PRIM2: variants seen among roughly 807,000 people sequenced by gnomAD.
PRIM2 encodes DNA primase subunit 2, also known as DNA primase large subunit.
PRIM2 carries 39 observed loss-of-function variants against 67.3 expected under a neutral mutation model. That is an observed-to-expected ratio of 0.58 (90% CI 0.45 to 0.76). The LOEUF (loss-of-function observed/expected upper bound fraction) is 0.76. Among genes scored for constraint, PRIM2 ranks in the 30% least tolerant of loss-of-function variants. PRIM2 has a pLI of 0.00. For missense variants in PRIM2, 398 were observed against 598.7 expected (o/e 0.66, Z 3.50); for synonymous variants, 143 against 198.7 (o/e 0.72, Z 2.36).
At chr6:57,466,750 T>C (rs1773204893) in intron 7 of PRIM2, among the ~76,000 whole-genome samples, 1 of 152,360 alleles carries the variant, frequency 6.6e-6, no homozygotes, top group African/African-American at 2.4e-5. Flanking sequence ...GCAAACATTT[T>C]CTGTCATTCT....
intron 9 of PRIM2, among the ~76,000 whole-genome samples, chr6:57,535,896 AG>A (rs1774992266): frequency 6.6e-6 from 1 of 152,154 alleles, no homozygotes; most frequent in Non-Finnish European, 1.5e-5. Context: ...AAAAAAAGAA[AG>A]GTAGTTACCA....
chr6:57,342,763 A>G (rs1451145778), intron 5 of PRIM2, among the ~76,000 whole-genome samples: 1 of 152,210 alleles, frequency 6.6e-6, no homozygotes, highest in African/African-American at 2.4e-5. Flanking sequence ...ATTTATGTTC[A>G]GGGAAGTGAG....
At chr6:57,338,970 C>T (rs569796678) in intron 5 of PRIM2, among the ~76,000 whole-genome samples, 46 of 152,272 alleles carry the variant, frequency 3.0e-4, no homozygotes, top group African/African-American at 9.6e-4. Flanking sequence ...TGTCTCAGCC[C>T]AAAATCTTCT....
the PRIM2 span, among the ~76,000 whole-genome samples, chr6:57,294,903 G>A: frequency 0.058 from 8,777 of 151,272 alleles, 586 homozygotes; most frequent in African/African-American, 0.16. Flanking sequence ...TCCACCTCCC[G>A]GATTTCAAGC....
chr6:57,363,801 T>C (rs1769269439), intron 5 of PRIM2, among the ~76,000 whole-genome samples: 2 of 152,214 alleles, frequency 1.3e-5, no homozygotes, highest in South Asian at 2.1e-4. Context: ...TGGTGTCTTA[T>C]ATTAATTCTG....
chr6:57,430,307 A>G (rs1383495444), intron 7 of PRIM2, among the ~76,000 whole-genome samples: 5 of 152,168 alleles, frequency 3.3e-5, no homozygotes, highest in Non-Finnish European at 5.9e-5. Context: ...ACCCCTTTAC[A>G]TACTTGCTCA....
the PRIM2 span, among the ~76,000 whole-genome samples, chr6:57,309,581 T>G: frequency 2.0e-5 from 3 of 152,120 alleles, no homozygotes; most frequent in Admixed American, 6.5e-5. Context: ...GACATTTGGG[T>G]TGGTTCCAAG....
At chr6:57,240,133 CT>C in the PRIM2 span, among the ~76,000 whole-genome samples, 13 of 100,484 alleles carry the variant, frequency 1.3e-4, no homozygotes, top group Non-Finnish European at 2.0e-4. Context: ...GAGTTTTGCT[CT>C]TGTTGCCCAG....
At chr6:57,605,875 A>G (rs1776553200) in intron 11 of PRIM2, among the ~76,000 whole-genome samples, 1 of 152,150 alleles carries the variant, frequency 6.6e-6, no homozygotes, top group East Asian at 1.9e-4. Flanking sequence ...ACATTTTCAT[A>G]GATTCTACGC....
intron 5 of PRIM2, among the ~76,000 whole-genome samples, chr6:57,350,130 TTGTC>T (rs1768813576): frequency 6.6e-6 from 1 of 152,188 alleles, no homozygotes; most frequent in Admixed American, 6.5e-5. Flanking sequence ...TTAAGACTGA[TTGTC>T]TGTTTACAGA....
At chr6:57,442,112 A>T (rs541991212) in intron 7 of PRIM2, among the ~76,000 whole-genome samples, 47 of 152,270 alleles carry the variant, frequency 3.1e-4, no homozygotes, top group Non-Finnish European at 5.9e-4. Flanking sequence ...TCATGTAAAA[A>T]ACTAAATACA....
At chr6:57,288,481 G>C in the PRIM2 span, among the ~76,000 whole-genome samples, 41 of 152,306 alleles carry the variant, frequency 2.7e-4, 1 homozygote, top group African/African-American at 9.6e-4. Flanking sequence ...AGAATGGACA[G>C]ACTGCCTCCT....
chr6:57,267,903 G>A, the PRIM2 span, among the ~76,000 whole-genome samples: 6 of 151,838 alleles, frequency 4.0e-5, no homozygotes, highest in South Asian at 2.1e-4. Flanking sequence ...AGAGAAGATC[G>A]TGGATTCATT....
intron 7 of PRIM2, among the ~76,000 whole-genome samples, chr6:57,496,661 G>A (rs1369689763): frequency 7.9e-5 from 12 of 152,240 alleles, no homozygotes; most frequent in Non-Finnish European, 1.3e-4. Flanking sequence ...ATTGACAAAC[G>A]TATGTTTAGG....
intron 10 of PRIM2, among the ~76,000 whole-genome samples, chr6:57,561,040 A>G (rs1443748787): frequency 1.3e-5 from 2 of 152,272 alleles, no homozygotes; most frequent in South Asian, 4.1e-4. Context: ...TCTTCTTCCA[A>G]TATAAGGCTG....
intron 10 of PRIM2, among the ~76,000 whole-genome samples, chr6:57,556,760 T>C (rs1775521431): frequency 6.6e-6 from 1 of 152,100 alleles, no homozygotes; most frequent in African/African-American, 2.4e-5. Flanking sequence ...CCAGAAGCAA[T>C]TGCAACAAAA....
At chr6:57,257,726 T>C in the PRIM2 span, among the ~76,000 whole-genome samples, 1 of 152,236 alleles carries the variant, frequency 6.6e-6, no homozygotes, top group Admixed American at 6.5e-5. Context: ...TTAGCCTTTT[T>C]GTGTCTCCAT....
At chr6:57,422,089 ACT>A (rs1207809522) in intron 7 of PRIM2, among the ~76,000 whole-genome samples, 1 of 150,776 alleles carries the variant, frequency 6.6e-6, no homozygotes, top group African/African-American at 2.4e-5. Context: ...AATTTATAGA[ACT>A]CTTTTTTTTG....
At chr6:57,610,326 CCA>C (rs1776644983) in intron 12 of PRIM2, among the ~76,000 whole-genome samples, 2 of 152,102 alleles carry the variant, frequency 1.3e-5, no homozygotes, top group African/African-American at 4.8e-5. Flanking sequence ...CCTCGGCCTC[CCA>C]CAGTGCTGGG....
Sources: allele counts gnomAD v4.1 joint callset (sites outside exome capture counted in the v4.1 genomes callset), GRCh38; gene constraint gnomAD v4.1.1; transcripts MANE v1.5; gene names NCBI Gene and HGNC (gene_info 2026-07-23, HGNC 2026-07-21).